SH3D19: variants seen among roughly 807,000 people sequenced by gnomAD.
SH3D19 encodes SH3 domain-containing protein 19.
A neutral mutation model predicts 112.1 loss-of-function variants in SH3D19; 58 were observed. That is an observed-to-expected ratio of 0.52 (90% CI 0.42 to 0.64). The LOEUF (loss-of-function observed/expected upper bound fraction) is 0.64. Among genes scored for constraint, SH3D19 ranks in the 30% least tolerant of loss-of-function variants. The pLI, the probability that SH3D19 is intolerant of heterozygous loss-of-function variation, is 0.00. For synonymous variants in SH3D19, 391 were observed against 448.5 expected (o/e 0.87, Z 1.62); for missense variants, 1,090 against 1,263.4 (o/e 0.86, Z 2.08).
intron 6 of SH3D19, among the ~76,000 whole-genome samples, chr4:151,176,118 C>A (rs1047090746): frequency 6.6e-6 from 1 of 152,116 alleles, no homozygotes; most frequent in Non-Finnish European, 1.5e-5. Flanking sequence ...GCAATCCACC[C>A]GCCTTAGTCT....
intron 11 of SH3D19, among the ~76,000 whole-genome samples, 182 bp downstream of exon 11, chr4:151,147,740 G>C (rs1754181125): frequency 6.6e-6 from 1 of 152,188 alleles, no homozygotes; most frequent in African/African-American, 2.4e-5. Context: ...TGGGATTATA[G>C]GTGTGAGCCA....
At chr4:151,285,823 C>T (rs1017449236) in intron 1 of SH3D19, among the ~76,000 whole-genome samples, 10 of 151,988 alleles carry the variant, frequency 6.6e-5, no homozygotes, top group African/African-American at 2.2e-4. Flanking sequence ...GCTATGATCA[C>T]ACCACTGCAC....
chr4:151,141,016 A>G (rs1177027763), intron 12 of SH3D19: 2 of 152,224 alleles, frequency 1.3e-5, no homozygotes, highest in Non-Finnish European at 2.9e-5. Context: ...AGCTTACTAT[A>G]TTAGCTTACT....
At chr4:151,313,444 TCTCA>T (rs1729682484) in intron 1 of SH3D19, among the ~76,000 whole-genome samples, 1 of 151,662 alleles carries the variant, frequency 6.6e-6, no homozygotes, top group South Asian at 2.1e-4. Flanking sequence ...AGAGATAAGG[TCTCA>T]CTCTGTCACC....
At chr4:151,151,905 A>G (rs991401333) in intron 9 of SH3D19, among the ~76,000 whole-genome samples, 1 of 152,234 alleles carries the variant, frequency 6.6e-6, no homozygotes, top group Admixed American at 6.5e-5. Context: ...TAAAAAATAG[A>G]TATATAAATT....
intron 3 of SH3D19, among the ~76,000 whole-genome samples, chr4:151,182,992 C>CT (rs757247209): frequency 0.034 from 4,789 of 139,932 alleles, 205 homozygotes; most frequent in African/African-American, 0.061. Context: ...CAAACTTTTT[C>CT]TTTTTTTTTT....
intron 2 of SH3D19, among the ~76,000 whole-genome samples, chr4:151,191,835 T>C (rs1189627829): frequency 6.6e-6 from 1 of 151,948 alleles, no homozygotes; most frequent in Admixed American, 6.6e-5. Flanking sequence ...TTAGTAGAGA[T>C]GGGGTTTCAT....
intron 2 of SH3D19, among the ~76,000 whole-genome samples, chr4:151,188,915 T>G (rs923286162): frequency 6.6e-6 from 1 of 152,116 alleles, no homozygotes; most frequent in Non-Finnish European, 1.5e-5. Context: ...CAATCCAACA[T>G]AACTGGTTTC....
intron 2 of SH3D19, among the ~76,000 whole-genome samples, chr4:151,215,770 C>A (rs1422205149): frequency 1.3e-5 from 2 of 151,714 alleles, no homozygotes; most frequent in Non-Finnish European, 2.9e-5. Context: ...AAAGATACTT[C>A]AAACCTTGAA....
intron 2 of SH3D19, among the ~76,000 whole-genome samples, chr4:151,196,204 G>A (rs563069320): frequency 6.6e-6 from 1 of 152,222 alleles, no homozygotes; most frequent in African/African-American, 2.4e-5. Flanking sequence ...CATATTTAGA[G>A]TCTATACATA....
intron 3 of SH3D19, among the ~76,000 whole-genome samples, chr4:151,184,262 C>T (rs1761388718): frequency 6.6e-6 from 1 of 152,156 alleles, no homozygotes; most frequent in East Asian, 1.9e-4. Context: ...AGTCTTTCCG[C>T]TTGCCAGGGT....
intron 1 of SH3D19, among the ~76,000 whole-genome samples, chr4:151,299,568 G>A (rs1286451997): frequency 4.9e-5 from 4 of 80,902 alleles, no homozygotes; most frequent in Non-Finnish European, 6.9e-5. Flanking sequence ...CAACAAGAGC[G>A]AAACTCCGTC....
At chr4:151,164,571 C>A (rs576701966) in intron 8 of SH3D19, among the ~76,000 whole-genome samples, 52 of 151,506 alleles carry the variant, frequency 3.4e-4, no homozygotes, top group Admixed American at 6.6e-4. Context: ...CAAAATGTAA[C>A]GTTACACTAA....
At chr4:151,272,997 T>C (rs1773332141) in intron 1 of SH3D19, among the ~76,000 whole-genome samples, 2 of 152,170 alleles carry the variant, frequency 1.3e-5, no homozygotes, top group South Asian at 4.1e-4. Context: ...CATTTATTAG[T>C]TGGAATTCTT....
At chr4:151,284,837 T>C (rs1181279590) in intron 1 of SH3D19, among the ~76,000 whole-genome samples, 4 of 152,194 alleles carry the variant, frequency 2.6e-5, no homozygotes, top group Non-Finnish European at 4.4e-5. Context: ...ATTTTAGCCT[T>C]AGCTGAGCTG....
chr4:151,287,899 A>C (rs1157233182), intron 1 of SH3D19, among the ~76,000 whole-genome samples: 2 of 152,180 alleles, frequency 1.3e-5, no homozygotes, highest in Non-Finnish European at 2.9e-5. Flanking sequence ...TTTTTCAAAA[A>C]ATAAAAAATA....
chr4:151,286,466 A>AT (rs1774797567), intron 1 of SH3D19, among the ~76,000 whole-genome samples: 2 of 151,708 alleles, frequency 1.3e-5, no homozygotes. Flanking sequence ...TATGAATAAC[A>AT]GTATGCCAAA....
Position 151,174,891 on chromosome 4 carries a change from G to C in SH3D19, c.1313C>G (p.Ser438Ter). 1 of 1,612,696 alleles carries C rather than the reference G, an allele frequency of 6.2e-7. No homozygotes were observed. Among genetic ancestry groups the C allele is most frequent in the South Asian group, 1.1e-5 (1 of 90,890 alleles). ...SVSSENPTYP[S>*]APLKPVTVPP... ...AACAGTGACAGGTTTCAGTGGAGCT[G>C]AAGGGTAGGTGGGGTTTTCTGAGGA... Residue 438 changes from serine (S) to a stop codon, truncating the protein, a stop_gained, in exon 7 of 20, where the codon TCA becomes TGA. Transcript: ENST00000604030. LOFTEE classifies it high-confidence loss of function.
intron 1 of SH3D19, among the ~76,000 whole-genome samples, chr4:151,255,780 C>T (rs1410900981): frequency 2.6e-5 from 4 of 152,266 alleles, no homozygotes. Context: ...ATCCAGGCAC[C>T]TCGGGAGGCC....
Sources: allele counts gnomAD v4.1 joint callset (sites outside exome capture counted in the v4.1 genomes callset), GRCh38; gene constraint gnomAD v4.1.1; transcripts MANE v1.5; gene names NCBI Gene and HGNC (gene_info 2026-07-23, HGNC 2026-07-21).